The following LTBP1 variants were observed in gnomAD, a reference collection of about 807,000 sequenced individuals.
LTBP1 encodes latent transforming growth factor beta binding protein 1, also known as latent-transforming growth factor beta-binding protein 1.
Under a neutral mutation model 207.6 loss-of-function variants are expected in LTBP1, and 129 were observed. That is an observed-to-expected ratio of 0.62 (90% CI 0.54 to 0.72). The LOEUF (loss-of-function observed/expected upper bound fraction) is 0.72, where lower values mean the gene tolerates loss of function less well. LTBP1 is among the 30% of genes least tolerant of loss of function. The probability of loss-of-function intolerance (pLI) is 0.00; values close to 1 mark genes in which losing one functional copy is unlikely to be tolerated. For missense variants in LTBP1, 2,281 were observed against 2,217.2 expected (o/e 1.03, Z -0.58); for synonymous variants, 963 against 833.7 (o/e 1.16, Z -2.67).
intron 3 of LTBP1, among the ~76,000 whole-genome samples, chr2:33,027,222 T>C (rs2149280431): frequency 1.3e-5 from 2 of 152,322 alleles, no homozygotes; most frequent in Middle Eastern, 6.8e-3. Context: ...TTGACTAAGG[T>C]ATAATTGACA....
At chr2:33,169,841 A>C (rs1181837673) in intron 5 of LTBP1, among the ~76,000 whole-genome samples, 2 of 152,240 alleles carry the variant, frequency 1.3e-5, no homozygotes, top group Admixed American at 1.3e-4. Flanking sequence ...GATAGTTCAA[A>C]CAAGGAGAAA....
At chr2:33,148,622 C>T (rs1421541096) in intron 5 of LTBP1, among the ~76,000 whole-genome samples, 1 of 152,212 alleles carries the variant, frequency 6.6e-6, no homozygotes, top group East Asian at 1.9e-4. Context: ...GCTTCTTTCT[C>T]TTATTCCCCA....
intron 13 of LTBP1, among the ~76,000 whole-genome samples, chr2:33,260,335 C>T (rs1014438661): frequency 2.6e-5 from 4 of 152,084 alleles, no homozygotes; most frequent in South Asian, 2.1e-4. Flanking sequence ...ACTAAATTAT[C>T]GTTGCATTTT....
chr2:32,981,344 A>G (rs978399911), intron 2 of LTBP1, among the ~76,000 whole-genome samples: 1 of 152,164 alleles, frequency 6.6e-6, no homozygotes, highest in African/African-American at 2.4e-5. Context: ...ATTGGTTCCC[A>G]TGAAGGTTTC....
At chr2:33,049,964 C>A (rs1573310146) in intron 3 of LTBP1, among the ~76,000 whole-genome samples, 1 of 151,886 alleles carries the variant, frequency 6.6e-6, no homozygotes, top group Admixed American at 6.6e-5. Flanking sequence ...ACCTCATCCT[C>A]CTGAGTAGCT....
rs116479202 is a variant in LTBP1, at chr2:33,305,945, T to G, written c.3482-3489T>G. Among the ~76,000 whole-genome samples, 1,489 of 152,266 alleles carry G rather than the reference T, an allele frequency of 9.8e-3. 31 individuals carry two copies. The highest frequency in any genetic ancestry group is 0.034 in the African/African-American group (1,414 of 41,558). ...GAAGTAGTTGGTGACCTCAACAAGC[T>G]CAGTCTTGGTAGAAAGATGACAGTG... On this transcript the variant is annotated intron_variant, in intron 22 of 33. Transcript: ENST00000404816.
At chr2:33,314,719 C>T (rs912297864) in intron 23 of LTBP1, among the ~76,000 whole-genome samples, 4 of 152,140 alleles carry the variant, frequency 2.6e-5, no homozygotes, top group Non-Finnish European at 5.9e-5. Context: ...TTAAGAAGCC[C>T]ACATCCTAGG....
At chr2:32,956,095 T>G (rs1224120239) in intron 2 of LTBP1, among the ~76,000 whole-genome samples, 1 of 152,224 alleles carries the variant, frequency 6.6e-6, no homozygotes, top group Non-Finnish European at 1.5e-5. Flanking sequence ...AAAAATGGAA[T>G]GATCAAGTCA....
At chr2:33,026,700 A>G (rs1179961273) in intron 3 of LTBP1, among the ~76,000 whole-genome samples, 1 of 152,220 alleles carries the variant, frequency 6.6e-6, no homozygotes, top group African/African-American at 2.4e-5. Context: ...TGCTCAATTC[A>G]TGACACCTGG....
At chr2:33,113,180 A>G (rs935923200) in intron 4 of LTBP1, among the ~76,000 whole-genome samples, 6 of 152,188 alleles carry the variant, frequency 3.9e-5, no homozygotes, top group African/African-American at 1.4e-4. Flanking sequence ...TCCCTTTAAA[A>G]GTGATTAAAA....
chr2:33,288,184 A>G (rs1250506299), intron 19 of LTBP1, among the ~76,000 whole-genome samples: 1 of 152,216 alleles, frequency 6.6e-6, no homozygotes, highest in Non-Finnish European at 1.5e-5. Context: ...CATTGAAAGT[A>G]CAGGAAGTAA....
intron 3 of LTBP1, among the ~76,000 whole-genome samples, chr2:33,083,148 T>C (rs1251278678): frequency 6.6e-6 from 1 of 151,506 alleles, no homozygotes; most frequent in African/African-American, 2.4e-5. Flanking sequence ...AACTTGGTAG[T>C]TCTGGTAGCA....
chr2:33,022,899 T>A (rs532601131), intron 3 of LTBP1, among the ~76,000 whole-genome samples: 2 of 152,328 alleles, frequency 1.3e-5, no homozygotes, highest in South Asian at 4.1e-4. Context: ...TATTCTTTTT[T>A]AAATTTTTTT....
intron 2 of LTBP1, among the ~76,000 whole-genome samples, chr2:32,949,184 A>G (rs941757008): frequency 5.3e-5 from 8 of 152,250 alleles, no homozygotes; most frequent in Non-Finnish European, 1.0e-4. Context: ...TCTGAACTCA[A>G]CAGAGATATT....
intron 3 of LTBP1, among the ~76,000 whole-genome samples, chr2:33,093,465 G>GT (rs535672280): frequency 1.6e-4 from 24 of 151,058 alleles, no homozygotes; most frequent in Middle Eastern, 3.4e-3. Flanking sequence ...TCTCTTGGCA[G>GT]TTTTTTTTTC....
intron 3 of LTBP1, among the ~76,000 whole-genome samples, chr2:33,070,752 T>C (rs1276454034): frequency 6.6e-6 from 1 of 152,218 alleles, no homozygotes; most frequent in Non-Finnish European, 1.5e-5. Context: ...GCTGTGCCTT[T>C]CTTGTATGTT....
chr2:33,117,298 A>G (rs1186363222), intron 4 of LTBP1, among the ~76,000 whole-genome samples: 2 of 152,316 alleles, frequency 1.3e-5, no homozygotes, highest in East Asian at 3.9e-4. Flanking sequence ...TCTTGCTTGT[A>G]GCGTTAGCCT....
At chr2:33,174,917 T>TA (rs34873132) in intron 5 of LTBP1, among the ~76,000 whole-genome samples, 69,386 of 145,512 alleles carry the variant, frequency 0.48, 15,929 homozygotes, top group African/African-American at 0.49. Context: ...AAGGATTCCC[T>TA]ATTTAATAAA....
At chr2:33,277,872 C>G (rs1197145999) in intron 18 of LTBP1, among the ~76,000 whole-genome samples, 1 of 141,874 alleles carries the variant, frequency 7.0e-6, no homozygotes, top group Non-Finnish European at 1.5e-5. Context: ...CTCTGTCGCC[C>G]AGGCTGGAGT....
Sources: allele counts gnomAD v4.1 joint callset (sites outside exome capture counted in the v4.1 genomes callset), GRCh38; gene constraint gnomAD v4.1.1; transcripts MANE v1.5; gene names NCBI Gene and HGNC (gene_info 2026-07-23, HGNC 2026-07-21).